The following MICAL2 variants were observed in gnomAD, a reference collection of about 807,000 sequenced individuals.
The protein encoded by MICAL2 is [F-actin]-monooxygenase MICAL2.
A neutral mutation model predicts 127.3 loss-of-function variants in MICAL2; 77 were observed. The ratio of observed to expected loss-of-function variants is 0.60; its 90% CI spans 0.50 to 0.73. The LOEUF (loss-of-function observed/expected upper bound fraction) is 0.73. MICAL2 is among the 30% of genes least tolerant of loss of function. The pLI is 0.00. For synonymous variants in MICAL2, 570 were observed against 551.1 expected (o/e 1.03, Z -0.48); for missense variants, 1,351 against 1,434.4 (o/e 0.94, Z 0.94).
chr11:12,358,325 A>G, exon 35 of MICAL2: 1 of 1,614,146 alleles, frequency 6.2e-7, no homozygotes, highest in South Asian at 1.1e-5. Context: ...GATCTAAACG[A>G]AGAGCAAGAA....
chr11:12,265,186 A>G (rs1043628947), downstream of MICAL2, among the ~76,000 whole-genome samples: 16 of 152,226 alleles, frequency 1.1e-4, no homozygotes, highest in African/African-American at 3.9e-4. Flanking sequence ...ATTCATTAGC[A>G]TGTCAAGTCT....
chr11:12,251,381 A>G (rs1294584646), intron 22 of MICAL2, among the ~76,000 whole-genome samples: 1 of 152,012 alleles, frequency 6.6e-6, no homozygotes, highest in African/African-American at 2.4e-5. Flanking sequence ...ATTCACCTTC[A>G]CATTGGCCTT....
intron 22 of MICAL2, among the ~76,000 whole-genome samples, chr11:12,249,566 T>C (rs921509910): frequency 4.9e-4 from 74 of 152,360 alleles, no homozygotes; most frequent in African/African-American, 1.7e-3. Context: ...TGTCTTCTCA[T>C]ACAGGGACTC....
At chr11:12,180,604 C>G (rs762631888) in intron 3 of MICAL2, among the ~76,000 whole-genome samples, 13 of 152,088 alleles carry the variant, frequency 8.5e-5, no homozygotes, top group Non-Finnish European at 1.5e-4. Context: ...CATTGAGTAT[C>G]TCATTTGATT....
intron 29 of MICAL2, among the ~76,000 whole-genome samples, chr11:12,317,668 T>C (rs1366400000): frequency 6.6e-6 from 1 of 152,068 alleles, no homozygotes. Context: ...GGTGGGCACC[T>C]GTAATCCCAG....
At chr11:12,299,866 T>C (rs780454831) in intron 29 of MICAL2, among the ~76,000 whole-genome samples, 9 of 152,230 alleles carry the variant, frequency 5.9e-5, no homozygotes, top group Non-Finnish European at 1.0e-4. Context: ...CTGCCTCTTA[T>C]CATCTTAGAT....
chr11:12,318,429 A>G (rs1864255417), intron 29 of MICAL2, among the ~76,000 whole-genome samples: 1 of 152,156 alleles, frequency 6.6e-6, no homozygotes, highest in Admixed American at 6.5e-5. Context: ...GAAAACAGGG[A>G]TGTTTTGCAT....
In MICAL2 at chr11:12,242,485, C is replaced by T. The variant is rs552161136; in HGVS notation, c.2556+53C>T. The stretch of plus-strand genomic sequence containing the variant: ...TGTCCGTGTCTGGGTGACTTCCTTT[C>T]TTCCCCTCCCTCCTCCTACCCGGGT... On this transcript the variant is annotated intron_variant, in intron 19 of 27. Transcript: ENST00000683283. The T allele has an allele frequency of 9.7e-6, 15 of 1,545,576 alleles. No homozygotes were observed. In the African/African-American group the frequency reaches 1.9e-4, roughly 20 times the overall value.
rs1455015976 is a variant in MICAL2 at position 12,221,831 on chromosome 11, G to A, written c.1322+72G>A. On this transcript the variant is annotated intron_variant, in intron 10 of 27. Transcript: ENST00000683283. ...GCAGGAAAGGGGGCAAGATCACCCC[G>A]CAGGTGACTGCTGGATATACCTGGA... 3.9e-5 allele frequency: 47 copies of A among 1,197,994 alleles called. 1 individual carries two copies. Among genetic ancestry groups the A allele is most frequent in the South Asian group, 1.8e-4 (14 of 76,462 alleles). 74.2% of individuals were successfully genotyped at this position (1,197,994 alleles called of 1,614,324 possible). A position where few individuals can be genotyped will look rare whatever the true frequency, so the allele number is the denominator to read the frequency against.
chr11:12,192,752 T>C (rs2134033912), intron 3 of MICAL2, among the ~76,000 whole-genome samples: 1 of 152,214 alleles, frequency 6.6e-6, no homozygotes, highest in South Asian at 2.1e-4. Context: ...CACTCCAGCC[T>C]GGGTGACAGA....
At chr11:12,244,200 G>A in intron 21 of MICAL2, 88 bp downstream of exon 21, 1 of 1,540,830 alleles carries the variant, frequency 6.5e-7, no homozygotes, top group Non-Finnish European at 8.9e-7. Flanking sequence ...AACATCTTGA[G>A]CCTGGCTTGG....
chr11:12,353,381 C>A (rs956169710), intron 33 of MICAL2, among the ~76,000 whole-genome samples: 4 of 152,332 alleles, frequency 2.6e-5, no homozygotes, highest in East Asian at 1.9e-4. Flanking sequence ...GTTCTTCCAA[C>A]CTTTGGATGG....
At position 12,318,301 on chromosome 11, in the gene MICAL2, A is replaced by T. The variant is rs564431433; in HGVS notation, c.5213-1395A>T. Reference sequence around the variant, plus strand: ...TCAGTGACTGAATTACTCAGTGGTCATTTAGTGGCTAGAAGTGGGAAACAA... The same window carrying T: ...TCAGTGACTGAATTACTCAGTGGTCTTTTAGTGGCTAGAAGTGGGAAACAA... On this transcript the variant is annotated intron_variant, in intron 29 of 34. Coordinates refer to the MICAL2 transcript ENST00000646065. Among the ~76,000 whole-genome samples, 4 of 152,350 alleles carry T rather than the reference A, an allele frequency of 2.6e-5. No homozygotes were observed. The East Asian group carries it at 7.7e-4, about 29-fold the overall frequency.
At chr11:12,250,189 A>G (rs890909075) in intron 22 of MICAL2, 11 of 152,208 alleles carry the variant, frequency 7.2e-5, no homozygotes, top group African/African-American at 1.9e-4. Context: ...TGTGCAGAGG[A>G]AAGTGATTTA....
chr11:12,250,649 C>G (rs1156875361), intron 22 of MICAL2, among the ~76,000 whole-genome samples: 1 of 152,150 alleles, frequency 6.6e-6, no homozygotes, highest in Admixed American at 6.5e-5. Context: ...TGAAAAGCAC[C>G]TAAATTCTTG....
intron 34 of MICAL2, among the ~76,000 whole-genome samples, chr11:12,355,196 T>C (rs570912947): frequency 7.9e-5 from 12 of 152,202 alleles, no homozygotes; most frequent in Non-Finnish European, 1.5e-4. Context: ...CTCTAGGAGT[T>C]TGTGGTCTCA....
intron 2 of MICAL2, among the ~76,000 whole-genome samples, chr11:12,156,301 T>A (rs1277923081): frequency 1.3e-5 from 2 of 152,178 alleles, no homozygotes; most frequent in African/African-American, 4.8e-5. Flanking sequence ...TCTCCATGTG[T>A]GCCTTCAGTG....
intron 2 of MICAL2, among the ~76,000 whole-genome samples, chr11:12,148,399 C>T (rs947374012): frequency 2.6e-5 from 4 of 152,144 alleles, no homozygotes; most frequent in Admixed American, 1.3e-4. Flanking sequence ...CCGCTGAGCC[C>T]GGCAGGAGGG....
At chr11:12,294,991 C>G (rs1416152193), downstream of MICAL2, 3 of 1,275,166 alleles carry the variant, frequency 2.4e-6, no homozygotes, top group South Asian at 2.7e-5. Flanking sequence ...ACTTTAAAGG[C>G]AAAAAATTTG....
Sources: gnomAD v4.1 joint callset for allele counts (sites outside exome capture counted in the v4.1 genomes callset) on GRCh38, gnomAD v4.1.1 for gene constraint, MANE v1.5 for transcripts, NCBI Gene and HGNC (gene_info 2026-07-23, HGNC 2026-07-21) for gene names.